Variants in MCC observed in about 807,000 individuals in gnomAD.
MCC encodes the protein MCC regulator of Wnt signaling pathway, also known as colorectal mutant cancer protein.
In MCC, 90 loss-of-function variants were observed where a neutral mutation model predicts 116.2. The ratio of observed to expected loss-of-function variants is 0.77; its 90% CI spans 0.65 to 0.92. The LOEUF (loss-of-function observed/expected upper bound fraction) is 0.92. MCC is among the 40% of genes least tolerant of loss of function. The pLI is 0.00. For missense variants in MCC, 1,516 were observed against 1,312.2 expected, an observed-to-expected ratio of 1.16 and a Z score of -2.40; for synonymous variants, 578 against 510.5, an observed-to-expected ratio of 1.13 and a Z score of -1.78.
intron 3 of MCC, among the ~76,000 whole-genome samples, chr5:113,260,794 T>C (rs1765194886): frequency 6.6e-6 from 1 of 151,948 alleles, no homozygotes; most frequent in Admixed American, 6.6e-5. Flanking sequence ...TTACTATCAA[T>C]CTTACCATAC....
In MCC at chr5:113,356,441, T is replaced by A. The variant is rs1235546591; in HGVS notation, c.416-15711A>T. Among the ~76,000 whole-genome samples the A allele has an allele frequency of 4.7e-5, 7 of 150,310 alleles. No homozygotes were observed. In the East Asian group the frequency reaches 1.4e-3, roughly 29 times the overall value. On this transcript the variant is annotated intron_variant, in intron 2 of 18. Transcript: ENST00000408903. ...AATATATATATATATAATTTTTAAC[T>A]GGAATATTTAGTGTTTGAAGGTAGC...
At chr5:113,124,331 T>C (rs1161070579) in intron 5 of MCC, among the ~76,000 whole-genome samples, 1 of 152,240 alleles carries the variant, frequency 6.6e-6, no homozygotes, top group African/African-American at 2.4e-5. Context: ...CACTGATAGA[T>C]ACATTAGCTC....
intron 5 of MCC, among the ~76,000 whole-genome samples, chr5:113,126,719 T>C (rs984363855): frequency 7.2e-5 from 11 of 152,346 alleles, no homozygotes; most frequent in East Asian, 3.8e-4. Context: ...TAATAGATAC[T>C]AGTCTATGTG....
chr5:113,094,297 G>C (rs976882570), intron 8 of MCC, among the ~76,000 whole-genome samples: 27 of 151,870 alleles, frequency 1.8e-4, no homozygotes, highest in Admixed American at 1.2e-3. Flanking sequence ...ACATCCAACA[G>C]CATTTCCATC....
At chr5:113,119,874 G>A (rs1289839267) in intron 6 of MCC, among the ~76,000 whole-genome samples, 1 of 152,206 alleles carries the variant, frequency 6.6e-6, no homozygotes, top group Non-Finnish European at 1.5e-5. Flanking sequence ...GGGAAAATGA[G>A]GATGCCCCAT....
intron 3 of MCC, among the ~76,000 whole-genome samples, chr5:113,333,062 G>C (rs189438452): frequency 6.5e-4 from 98 of 151,638 alleles, no homozygotes; most frequent in Admixed American, 2.6e-4. Context: ...AAACTCCTCG[G>C]TATTTTATGG....
Position 113,022,837 on chromosome 5 carries a change from T to C in MCC, c.*4465A>G, listed in dbSNP as rs1443658673. ...TGAAGTACTAGTCAAGGATGTGGTT[T>C]TACATAGCAGTTGCTATTTCCGGGA... On this transcript the variant is annotated 3_prime_UTR_variant, in exon 19 of 19. Transcript: ENST00000408903. 6.6e-6 allele frequency: 1 copy of C among 152,242 alleles called. No individual in the cohort carries two copies. The highest frequency in any genetic ancestry group is 1.5e-5 in the Non-Finnish European group (1 of 68,052). 9.4% of individuals were successfully genotyped at this position (152,242 alleles called of 1,614,324 possible).
chr5:113,433,981 C>T (rs376961614), intron 1 of MCC: 1 of 1,614,050 alleles, frequency 6.2e-7, no homozygotes, highest in South Asian at 1.1e-5. Context: ...CTCTCCCCCT[C>T]CTTGTTGATG....
chr5:113,240,263 G>A (rs972026699), intron 3 of MCC, among the ~76,000 whole-genome samples: 9 of 152,050 alleles, frequency 5.9e-5, no homozygotes, highest in African/African-American at 2.2e-4. Context: ...AGAGAGCAAG[G>A]CCTAAATATA....
In MCC at chr5:113,377,754, T is replaced by A. The variant is rs770141561; in HGVS notation, c.415+7214A>T. On this transcript the variant is annotated intron_variant, in intron 2 of 18. Coordinates refer to ENST00000408903, the MANE Select transcript of MCC (RefSeq NM_001085377.2). ...TTGCCCAAACTTAATCTATAGATAG[T>A]TGCTTCACAGCATTCTCAGTATGCA... 2.0e-5 allele frequency among the ~76,000 whole-genome samples: 3 copies of A among 152,234 alleles called. No homozygotes were observed. The South Asian group carries it at 6.2e-4, about 31-fold the overall frequency.
At chr5:113,173,868 G>T (rs1761194179) in intron 3 of MCC, among the ~76,000 whole-genome samples, 1 of 152,146 alleles carries the variant, frequency 6.6e-6, no homozygotes, top group African/African-American at 2.4e-5. Context: ...CTTGGTGTGT[G>T]TAACTCAGCA....
At chr5:113,339,058 CT>C (rs1465081861) in intron 3 of MCC, among the ~76,000 whole-genome samples, 1 of 99,728 alleles carries the variant, frequency 1.0e-5, no homozygotes, top group African/African-American at 6.1e-5. Flanking sequence ...CCTGTCTCTA[CT>C]AAAAAAAAAA....
intron 1 of MCC, among the ~76,000 whole-genome samples, chr5:113,411,865 G>A (rs967582013): frequency 2.6e-5 from 4 of 152,108 alleles, no homozygotes; most frequent in African/African-American, 9.7e-5. Flanking sequence ...GTCCTGAATG[G>A]TATTCCCTGG....
intron 16 of MCC, among the ~76,000 whole-genome samples, chr5:113,048,055 A>C (rs887958220): frequency 3.3e-5 from 5 of 152,204 alleles, no homozygotes; most frequent in Admixed American, 3.3e-4. Flanking sequence ...CCGTTAGTGG[A>C]TCTGGGCTAA....
At chr5:113,140,814 T>A (rs1019138891) in intron 5 of MCC, among the ~76,000 whole-genome samples, 1 of 152,160 alleles carries the variant, frequency 6.6e-6, no homozygotes, top group Admixed American at 6.5e-5. Flanking sequence ...CTGTAGACCG[T>A]GGGTATGCTA....
rs187430833 is a variant in MCC at position 113,075,508 on chromosome 5, G to A, written c.1785-4274C>T. Among the ~76,000 whole-genome samples the A allele has an allele frequency of 3.6e-4, 55 of 152,356 alleles. 2 individuals are homozygous for A. Among genetic ancestry groups the A allele is most frequent in the African/African-American group, 1.3e-3 (52 of 41,594 alleles). ...GAAGCCAGCTGGGCTCTTGAGTCGG[G>A]TGGGGTCTTGGAGAACTTTTAAGTC... On this transcript the variant is annotated intron_variant, in intron 11 of 18. Transcript: ENST00000408903.
At chr5:113,037,669 G>A (rs940888903) in intron 17 of MCC, among the ~76,000 whole-genome samples, 4 of 152,166 alleles carry the variant, frequency 2.6e-5, no homozygotes, top group Non-Finnish European at 5.9e-5. Flanking sequence ...ACTCCGGCCT[G>A]GATGACAGAG....
At chr5:113,086,512 A>G (rs947801520) in intron 8 of MCC, among the ~76,000 whole-genome samples, 7 of 152,348 alleles carry the variant, frequency 4.6e-5, no homozygotes, top group Admixed American at 1.3e-4. Context: ...TAGTCCTTCT[A>G]TATAAAAAAG....
chr5:113,061,406 C>T (rs756862970), intron 14 of MCC, among the ~76,000 whole-genome samples: 7 of 152,232 alleles, frequency 4.6e-5, no homozygotes, highest in Non-Finnish European at 8.8e-5. Context: ...CCAAGGATTC[C>T]TATTTCCACT....
Sources: gnomAD v4.1 joint callset for allele counts (sites outside exome capture counted in the v4.1 genomes callset) on GRCh38, gnomAD v4.1.1 for gene constraint, MANE v1.5 for transcripts, NCBI Gene and HGNC (gene_info 2026-07-23, HGNC 2026-07-21) for gene names.